CCDC6: variants seen among roughly 807,000 people sequenced by gnomAD.
CCDC6 encodes coiled-coil domain containing 6, also known as coiled-coil domain-containing protein 6.
Under a neutral mutation model 56.6 loss-of-function variants are expected in CCDC6, and 20 were observed. The ratio of observed to expected loss-of-function variants is 0.35; its 90% CI spans 0.25 to 0.51. The LOEUF is 0.51. Ranked by LOEUF, CCDC6 falls within the 20% of genes least tolerant of loss-of-function variation. CCDC6 has a pLI of 0.95. For synonymous variants in CCDC6, 241 were observed against 234.4 expected, an observed-to-expected ratio of 1.03 and a Z score of -0.26; for missense variants, 367 against 601.1, an observed-to-expected ratio of 0.61 and a Z score of 4.07.
At chr10:59,897,249 T>C (rs1359932965) in intron 1 of CCDC6, among the ~76,000 whole-genome samples, 1 of 152,012 alleles carries the variant, frequency 6.6e-6, no homozygotes, top group Non-Finnish European at 1.5e-5. Flanking sequence ...GTTGGTATAT[T>C]AGGATAATTT....
At chr10:59,881,444 G>A (rs571961477) in intron 1 of CCDC6, among the ~76,000 whole-genome samples, 5 of 152,288 alleles carry the variant, frequency 3.3e-5, no homozygotes, top group African/African-American at 9.6e-5. Context: ...GGGGCATAAC[G>A]AGGTGAGACA....
chr10:59,893,615 A>AATACATACATAC (rs67669225), intron 1 of CCDC6, among the ~76,000 whole-genome samples: 50 of 148,644 alleles, frequency 3.4e-4, no homozygotes, highest in Non-Finnish European at 4.4e-4. Context: ...CAAACAAACA[A>AATACATACATAC]ATACATACAT....
At position 59,882,406 on chromosome 10, in the gene CCDC6, G is replaced by GAAGGAAAGGAAAGCC. The variant is rs2071347384; in HGVS notation, c.303+23715_303+23716insGGCTTTCCTTTCCTT. ...CGCGGGGAGAAGGAAAGGAAAGCCA[G>GAAGGAAAGGAAAGCC]GGGGAGAAGGAAAGGAAAGCCAGGG... On this transcript the variant is annotated intron_variant, in intron 1 of 8. Coordinates refer to ENST00000263102, the MANE Select transcript of CCDC6 (RefSeq NM_005436.5). Among the ~76,000 whole-genome samples, 3 of 956 alleles carry GAAGGAAAGGAAAGCC rather than the reference G, an allele frequency of 3.1e-3. 1 individual carries two copies. The highest frequency in any genetic ancestry group is 5.9e-3 in the Non-Finnish European group (3 of 510). The allele number at this position is 956 out of a possible 152,430, so 0.6% of individuals were successfully genotyped here.
intron 1 of CCDC6, among the ~76,000 whole-genome samples, chr10:59,889,233 CAT>C (rs1363640974): frequency 6.6e-6 from 1 of 152,182 alleles, no homozygotes; most frequent in Non-Finnish European, 1.5e-5. Context: ...GGAAAATGTG[CAT>C]CAGCCATAAA....
intron 1 of CCDC6, among the ~76,000 whole-genome samples, chr10:59,873,006 G>A (rs1199489043): frequency 6.6e-6 from 1 of 152,192 alleles, no homozygotes; most frequent in Non-Finnish European, 1.5e-5. Context: ...AGCCTGATCT[G>A]AATTGACATG....
At chr10:59,800,265 G>A (rs1047407548) in intron 7 of CCDC6, among the ~76,000 whole-genome samples, 10 of 152,160 alleles carry the variant, frequency 6.6e-5, no homozygotes, top group Non-Finnish European at 1.2e-4. Flanking sequence ...GCTTCCATGT[G>A]TGCTCTCTGT....
chr10:59,839,003 T>C (rs1288675404), intron 2 of CCDC6, among the ~76,000 whole-genome samples: 1 of 152,234 alleles, frequency 6.6e-6, no homozygotes, highest in East Asian at 1.9e-4. Flanking sequence ...CTGTATCTTT[T>C]CCATCAGCTA....
At chr10:59,812,943 A>C (rs1467816373) in intron 4 of CCDC6, 148 bp from the exon 5 acceptor site, 2 of 580,218 alleles carry the variant, frequency 3.4e-6, no homozygotes, top group Non-Finnish European at 6.1e-6. Context: ...CCCATTTTAC[A>C]TCAAACTTCT....
At chr10:59,810,690 AT>A (rs1472103906) in intron 5 of CCDC6, among the ~76,000 whole-genome samples, 2 of 152,150 alleles carry the variant, frequency 1.3e-5, no homozygotes, top group African/African-American at 2.4e-5. Flanking sequence ...TTATATATAT[AT>A]TTTTTTAATA....
At chr10:59,871,211 T>A (rs2071226407) in intron 1 of CCDC6, among the ~76,000 whole-genome samples, 1 of 152,102 alleles carries the variant, frequency 6.6e-6, no homozygotes, top group Admixed American at 6.5e-5. Flanking sequence ...GTAAATATTT[T>A]AAAAATTAAT....
At chr10:59,829,325 C>T (rs562330611) in intron 3 of CCDC6, among the ~76,000 whole-genome samples, 1 of 152,218 alleles carries the variant, frequency 6.6e-6, no homozygotes, top group Non-Finnish European at 1.5e-5. Context: ...CAGGTTCACC[C>T]ACTACATGCA....
chr10:59,847,153 C>T (rs371278226), intron 2 of CCDC6, among the ~76,000 whole-genome samples: 68 of 152,088 alleles, frequency 4.5e-4, no homozygotes, highest in African/African-American at 1.5e-3. Context: ...CCTGGGTTCA[C>T]GCCATTCTCC....
At chr10:59,796,970 CAAAAAA>C (rs56723229) in intron 7 of CCDC6, among the ~76,000 whole-genome samples, 1 of 120,072 alleles carries the variant, frequency 8.3e-6, no homozygotes, top group Non-Finnish European at 1.9e-5. Context: ...GATTCCATCT[CAAAAAA>C]AAAAAAAAAA....
At chr10:59,813,595 T>C (rs185713203) in intron 4 of CCDC6, among the ~76,000 whole-genome samples, 5 of 152,310 alleles carry the variant, frequency 3.3e-5, no homozygotes, top group Admixed American at 2.6e-4. Flanking sequence ...GTTTTGTTTT[T>C]GCTTTGTACC....
At chr10:59,832,734 C>A in intron 2 of CCDC6, 81 bp from the exon 3 acceptor site, 2 of 1,464,864 alleles carry the variant, frequency 1.4e-6, no homozygotes, top group Non-Finnish European at 1.9e-6. Context: ...GGTGACTATA[C>A]AAAGAAGCTA....
rs561274710 is a variant in CCDC6 at position 59,791,091 on chromosome 10, G to T, written c.*1826C>A. On this transcript the variant is annotated 3_prime_UTR_variant, in exon 9 of 9. Transcript: ENST00000263102. ...GAGTGAACTGTTGGTGAAAATTCCGGGTTTGACATGGCCCAGTCTGATCAC... is the reference window on the plus strand; with the variant it reads ...GAGTGAACTGTTGGTGAAAATTCCGTGTTTGACATGGCCCAGTCTGATCAC... 9 of 207,784 alleles carry T rather than the reference G, an allele frequency of 4.3e-5. No homozygotes were observed. In the South Asian group the frequency reaches 9.4e-4, roughly 22 times the overall value. The allele number at this position is 207,784 out of a possible 1,614,324, so 12.9% of individuals were successfully genotyped here. A position where few individuals can be genotyped will look rare whatever the true frequency, so the allele number is the denominator to read the frequency against.
At chr10:59,844,588 T>TAAAAAAAAAA (rs74766839) in intron 2 of CCDC6, among the ~76,000 whole-genome samples, 1 of 137,862 alleles carries the variant, frequency 7.3e-6, no homozygotes, top group African/African-American at 2.7e-5. Context: ...TGTCTCTACT[T>TAAAAAAAAAA]AAAAAAAAAA....
Position 59,789,418 on chromosome 10 carries a change from G to C in CCDC6, c.*3499C>G, listed in dbSNP as rs921786508. ...CCCACGACTTTATGCTAACAGCTGT[G>C]TGTATGTTTTAATCAAAAAATTAAA... On this transcript the variant is annotated 3_prime_UTR_variant, in exon 9 of 9. Coordinates refer to ENST00000263102, the MANE Select transcript of CCDC6 (RefSeq NM_005436.5). The C allele has an allele frequency of 6.6e-5, 15 of 228,952 alleles. No homozygotes were observed. Among genetic ancestry groups the C allele is most frequent in the African/African-American group, 3.3e-4 (15 of 44,894 alleles). The allele number at this position is 228,952 out of a possible 1,614,324, so 14.2% of individuals were successfully genotyped here. A position where few individuals can be genotyped will look rare whatever the true frequency, so the allele number is the denominator to read the frequency against.
chr10:59,878,957 T>C lies in CCDC6; in HGVS notation c.304-26255A>G, dbSNP rs146524828. Among the ~76,000 whole-genome samples the C allele has an allele frequency of 3.4e-3, 516 of 152,340 alleles. 3 individuals carry two copies. Among genetic ancestry groups the C allele is most frequent in the African/African-American group, 0.011 (445 of 41,582 alleles). On this transcript the variant is annotated intron_variant, in intron 1 of 8. Transcript: ENST00000263102. ...GTGCTTGGAGGGAAGGGATATCTTC[T>C]TGGCCACCTCAAATCCATTTGAGAA...
Sources: gnomAD v4.1 joint callset for allele counts (sites outside exome capture counted in the v4.1 genomes callset) on GRCh38, gnomAD v4.1.1 for gene constraint, MANE v1.5 for transcripts, NCBI Gene and HGNC (gene_info 2026-07-23, HGNC 2026-07-21) for gene names.